PDE4D: variants seen among roughly 807,000 people sequenced by gnomAD.
The protein encoded by PDE4D is 3',5'-cyclic-AMP phosphodiesterase 4D.
PDE4D carries 24 observed loss-of-function variants against 87.4 expected under a neutral mutation model. The ratio of observed to expected loss-of-function variants is 0.27; its 90% confidence interval spans 0.20 to 0.39. PDE4D has a LOEUF of 0.39. Ranked by LOEUF, PDE4D falls within the 10% of genes least tolerant of loss-of-function variation. The probability of loss-of-function intolerance (pLI) is 1.00; values close to 1 mark genes in which losing one functional copy is unlikely to be tolerated. For synonymous variants in PDE4D, 384 were observed against 383.2 expected (o/e 1.00, Z -0.02); for missense variants, 714 against 1,041.0 (o/e 0.69, Z 4.32).
At chr5:59,553,457 A>AAT (rs1233980699) in intron 1 of PDE4D, among the ~76,000 whole-genome samples, 2 of 152,152 alleles carry the variant, frequency 1.3e-5, no homozygotes, top group Non-Finnish European at 2.9e-5. Context: ...TTAACTTTAA[A>AAT]AGAGTGAGCA....
At chr5:59,527,673 T>C (rs1272168743) in intron 1 of PDE4D, among the ~76,000 whole-genome samples, 2 of 152,214 alleles carry the variant, frequency 1.3e-5, no homozygotes, top group Admixed American at 1.3e-4. Context: ...ATCACTTTCT[T>C]CTCTTTTAAT....
chr5:60,225,367 G>T (rs72755103), intron 1 of PDE4D, among the ~76,000 whole-genome samples: 2 of 151,374 alleles, frequency 1.3e-5, no homozygotes, highest in Non-Finnish European at 2.9e-5. Context: ...TTAGATTTTA[G>T]TCTAATAAAA....
chr5:59,574,114 ATATAAATATATATT>A (rs1822600891), intron 1 of PDE4D, among the ~76,000 whole-genome samples: 1 of 3,778 alleles, frequency 2.6e-4, no homozygotes, highest in African/African-American at 4.8e-4. Context: ...TTATATATAT[ATATAAATATATATT>A]TATATATATA....
intron 3 of PDE4D, among the ~76,000 whole-genome samples, chr5:59,898,936 G>A (rs1408190358): frequency 6.6e-6 from 1 of 152,128 alleles, no homozygotes; most frequent in East Asian, 1.9e-4. Flanking sequence ...CTGAGAAGAT[G>A]GGGTTGAGGG....
At chr5:59,527,362 G>T (rs977490420) in intron 1 of PDE4D, among the ~76,000 whole-genome samples, 1 of 151,918 alleles carries the variant, frequency 6.6e-6, no homozygotes, top group Admixed American at 6.6e-5. Context: ...CCTTTTTCTA[G>T]TACTATGTTC....
intron 1 of PDE4D, among the ~76,000 whole-genome samples, chr5:59,266,223 TA>T (rs1280064969): frequency 6.6e-6 from 1 of 151,824 alleles, no homozygotes; most frequent in African/African-American, 2.4e-5. Flanking sequence ...CACCTGTAAA[TA>T]GCCACTGTAC....
intron 1 of PDE4D, among the ~76,000 whole-genome samples, chr5:60,258,371 T>C (rs13163833): frequency 6.6e-6 from 1 of 151,778 alleles, no homozygotes; most frequent in African/African-American, 2.4e-5. Context: ...AGATTTGACC[T>C]CAGTAATAAG....
intron 1 of PDE4D, among the ~76,000 whole-genome samples, chr5:60,519,213 C>G (rs951244140): frequency 6.6e-6 from 1 of 152,172 alleles, no homozygotes. Context: ...TGTGCACAGT[C>G]GTATTAAAGC....
At chr5:60,049,213 C>T (rs1472820906) in intron 2 of PDE4D, among the ~76,000 whole-genome samples, 3 of 152,164 alleles carry the variant, frequency 2.0e-5, no homozygotes, top group South Asian at 4.1e-4. Context: ...GTTTTCAGCT[C>T]CATCAGCTCC....
At chr5:59,240,014 T>C (rs908801386) in intron 1 of PDE4D, among the ~76,000 whole-genome samples, 1 of 152,208 alleles carries the variant, frequency 6.6e-6, no homozygotes, top group African/African-American at 2.4e-5. Context: ...TTTGGTATTT[T>C]AATAAGATGG....
chr5:59,865,350 C>T (rs1746860720), intron 1 of PDE4D, among the ~76,000 whole-genome samples: 1 of 152,152 alleles, frequency 6.6e-6, no homozygotes, highest in Admixed American at 6.6e-5. Flanking sequence ...TAAATATTCA[C>T]AATAACTTAA....
At chr5:59,382,399 T>A (rs566884138) in intron 1 of PDE4D, among the ~76,000 whole-genome samples, 23 of 152,222 alleles carry the variant, frequency 1.5e-4, no homozygotes, top group Admixed American at 3.9e-4. Flanking sequence ...GCAAAAAAAA[T>A]TTCCAAACTT....
At chr5:60,511,116 C>A (rs1235129172) in intron 1 of PDE4D, among the ~76,000 whole-genome samples, 1 of 152,090 alleles carries the variant, frequency 6.6e-6, no homozygotes, top group Non-Finnish European at 1.5e-5. Flanking sequence ...ATTATAGGTG[C>A]TTGCCACCAT....
chr5:59,268,369 A>ACTAGG (rs1402890132), intron 1 of PDE4D, among the ~76,000 whole-genome samples: 2 of 152,128 alleles, frequency 1.3e-5, no homozygotes, highest in African/African-American at 4.8e-5. Context: ...TTGACAAAGA[A>ACTAGG]CTAGGCAATT....
intron 5 of PDE4D, among the ~76,000 whole-genome samples, chr5:59,062,930 C>T (rs1763367774): frequency 6.6e-6 from 1 of 151,664 alleles, no homozygotes; most frequent in South Asian, 2.1e-4. Flanking sequence ...TGAGTGTTGG[C>T]GAAGTACGTG....
intron 1 of PDE4D, chr5:59,275,476 G>A: frequency 6.4e-7 from 1 of 1,553,230 alleles, no homozygotes; most frequent in East Asian, 2.3e-5. Context: ...TTTCTGCAAA[G>A]AAGATTTTAA....
At chr5:59,792,152 T>C (rs1765867596) in intron 1 of PDE4D, among the ~76,000 whole-genome samples, 1 of 152,136 alleles carries the variant, frequency 6.6e-6, no homozygotes. Context: ...ATAAAGGGCT[T>C]CCCTGGGGAG....
intron 5 of PDE4D, among the ~76,000 whole-genome samples, chr5:59,104,006 A>G (rs1286786050): frequency 1.3e-5 from 2 of 152,154 alleles, no homozygotes; most frequent in East Asian, 1.9e-4. Flanking sequence ...CAGGGTTTAT[A>G]GTGATAATCG....
intron 1 of PDE4D, among the ~76,000 whole-genome samples, chr5:60,470,739 G>A (rs1747753799): frequency 6.6e-6 from 1 of 151,922 alleles, no homozygotes; most frequent in African/African-American, 2.4e-5. Context: ...GTTTAATTAT[G>A]GTTTACCGAA....
Sources: gnomAD v4.1 joint callset for allele counts (sites outside exome capture counted in the v4.1 genomes callset) on GRCh38, gnomAD v4.1.1 for gene constraint, MANE v1.5 for transcripts, NCBI Gene and HGNC (gene_info 2026-07-23, HGNC 2026-07-21) for gene names.